The following ARPC1A variants were observed in gnomAD, a reference collection of about 807,000 sequenced individuals.
ARPC1A encodes actin related protein 2/3 complex subunit 1A.
A neutral mutation model predicts 46.9 loss-of-function variants in ARPC1A; 8 were observed. The ratio of observed to expected loss-of-function variants is 0.17; its 90% confidence interval spans 0.10 to 0.31. The LOEUF (loss-of-function observed/expected upper bound fraction) is 0.31, where lower values mean the gene tolerates loss of function less well. ARPC1A is among the 10% of genes least tolerant of loss of function. The pLI is 1.00. For missense variants in ARPC1A, 286 were observed against 483.6 expected, an observed-to-expected ratio of 0.59 and a Z score of 3.83; for synonymous variants, 152 against 169.0, an observed-to-expected ratio of 0.90 and a Z score of 0.78.
chr7:99,359,521 G>A (rs1424028330), intron 7 of ARPC1A, 24 bp from the exon 8 acceptor site: 1 of 1,613,070 alleles, frequency 6.2e-7, no homozygotes, highest in Non-Finnish European at 8.5e-7. Context: ...GCATCCTCCA[G>A]GGACTGACTG....
chr7:99,338,066 TCAAAAG>T, intron 2 of ARPC1A, 109 bp from the exon 3 acceptor site: 2 of 686,682 alleles, frequency 2.9e-6, no homozygotes, highest in Admixed American at 6.9e-5. Context: ...AACTACTTTT[TCAAAAG>T]TTTTTCTTTT....
intron 6 of ARPC1A, among the ~76,000 whole-genome samples, chr7:99,357,374 AT>A (rs1793654470): frequency 6.6e-6 from 1 of 151,978 alleles, no homozygotes; most frequent in Admixed American, 6.6e-5. Context: ...TTATTTTTTA[AT>A]TTAGAGAGAC....
chr7:99,358,703 G>A, intron 7 of ARPC1A: 1 of 311,384 alleles, frequency 3.2e-6, no homozygotes, highest in South Asian at 3.6e-5. Flanking sequence ...ACCATACCTG[G>A]CTAATTTTGT....
chr7:99,341,622 A>G (rs1793358831), intron 3 of ARPC1A, among the ~76,000 whole-genome samples: 1 of 152,082 alleles, frequency 6.6e-6, no homozygotes, highest in Non-Finnish European at 1.5e-5. Flanking sequence ...AAAAAAAAAA[A>G]AAAAAAATTA....
Position 99,327,174 on chromosome 7 carries a change from C to T in ARPC1A, c.-30+1170C>T, listed in dbSNP as rs141341319. On this transcript the variant is annotated intron_variant, in intron 1 of 9. Coordinates refer to ENST00000262942, the MANE Select transcript of ARPC1A (RefSeq NM_006409.4). ...TTTTGTCCTGTTAGGGAGTGGGTAA[C>T]TGTGGTTGTTGTCTTCCTTTTTTTT... is the stretch of plus-strand genomic sequence containing the variant. Among the ~76,000 whole-genome samples the T allele has an allele frequency of 2.3e-3, 348 of 151,636 alleles. 1 individual carries two copies. The highest frequency in any genetic ancestry group is 3.9e-3 in the Non-Finnish European group (262 of 67,902).
chr7:99,352,481 A>AC (rs1793559540), intron 5 of ARPC1A, among the ~76,000 whole-genome samples: 1 of 150,712 alleles, frequency 6.6e-6, no homozygotes, highest in Admixed American at 6.6e-5. Flanking sequence ...ACACAGCAAG[A>AC]CCCCATCTCT....
chr7:99,354,279 T>C (rs1793595557), intron 6 of ARPC1A, among the ~76,000 whole-genome samples, 158 bp downstream of exon 6: 1 of 151,950 alleles, frequency 6.6e-6, no homozygotes, highest in Non-Finnish European at 1.5e-5. Flanking sequence ...TCCCAGCACT[T>C]TGGGAGGCCG....
chr7:99,357,834 C>CT (rs1401632033), intron 6 of ARPC1A, among the ~76,000 whole-genome samples: 1 of 152,196 alleles, frequency 6.6e-6, no homozygotes, highest in Non-Finnish European at 1.5e-5. Flanking sequence ...TTTGGTTCAT[C>CT]TTGGTAGCTC....
At chr7:99,344,616 G>C (rs569542959) in intron 4 of ARPC1A, 101 bp downstream of exon 4, 1 of 1,262,970 alleles carries the variant, frequency 7.9e-7, no homozygotes, top group South Asian at 1.4e-5. Context: ...ATCCGGAGTT[G>C]TGTGGTTTTT....
At chr7:99,357,524 C>T (rs572173443) in intron 6 of ARPC1A, among the ~76,000 whole-genome samples, 19 of 150,954 alleles carry the variant, frequency 1.3e-4, no homozygotes, top group African/African-American at 4.6e-4. Context: ...GAGACTGGGT[C>T]TCACTATGTT....
intron 3 of ARPC1A, among the ~76,000 whole-genome samples, chr7:99,343,358 C>T (rs760899732): frequency 2.7e-5 from 4 of 150,802 alleles, no homozygotes; most frequent in Admixed American, 6.6e-5. Context: ...CCCAGCTACT[C>T]GGGAGGCTGA....
At chr7:99,337,018 A>G (rs1793266518) in intron 2 of ARPC1A, among the ~76,000 whole-genome samples, 1 of 152,162 alleles carries the variant, frequency 6.6e-6, no homozygotes, top group African/African-American at 2.4e-5. Context: ...GGGTAAAAAA[A>G]GATACATGAA....
intron 7 of ARPC1A, among the ~76,000 whole-genome samples, chr7:99,358,938 TCTC>T (rs1317251999): frequency 2.0e-5 from 3 of 151,874 alleles, no homozygotes; most frequent in Non-Finnish European, 4.4e-5. Context: ...TTCACGCCAT[TCTC>T]CTGCCTCAGC....
At chr7:99,365,766 T>TGGGGCAGGGCCAGGTTCAGGGTG in intron 9 of ARPC1A, 125 bp from the exon 10 acceptor site, 1 of 997,500 alleles carries the variant, frequency 1.0e-6, no homozygotes, top group Non-Finnish European at 1.5e-6. Flanking sequence ...CTGTTTCAGG[T>TGGGGCAGGGCCAGGTTCAGGGTG]GGGGCAGGGC....
At chr7:99,344,102 G>A (rs1032079179) in intron 3 of ARPC1A, among the ~76,000 whole-genome samples, 191 bp from the exon 4 acceptor site, 1 of 152,186 alleles carries the variant, frequency 6.6e-6, no homozygotes, top group African/African-American at 2.4e-5. Context: ...CCGAGTCCCA[G>A]ACGCTTTGCA....
chr7:99,333,522 C>T, intron 2 of ARPC1A, 105 bp downstream of exon 2: 1 of 965,924 alleles, frequency 1.0e-6, no homozygotes, highest in East Asian at 2.6e-5. Flanking sequence ...GTGCAAAGAA[C>T]ATACATCTAT....
At chr7:99,361,213 G>C (rs1011502079) in intron 8 of ARPC1A, among the ~76,000 whole-genome samples, 1 of 152,056 alleles carries the variant, frequency 6.6e-6, no homozygotes, top group Non-Finnish European at 1.5e-5. Context: ...TGAAAAATGA[G>C]AACCAGAGAC....
At chr7:99,359,417 CAG>C in intron 7 of ARPC1A, 126 bp from the exon 8 acceptor site, 1 of 930,660 alleles carries the variant, frequency 1.1e-6, no homozygotes, top group Non-Finnish European at 1.6e-6. Flanking sequence ...GCCAGGGCAA[CAG>C]AGCAAGACTC....
rs771655890 is a variant in ARPC1A, at chr7:99,362,336, CTTT to C, written c.984-1192_984-1190del. Among the ~76,000 whole-genome samples, 69 of 129,614 alleles carry C rather than the reference CTTT, an allele frequency of 5.3e-4. 2 individuals carry two copies. In the East Asian group the frequency reaches 5.6e-3, roughly 11 times the overall value. 85.0% of individuals were successfully genotyped at this position (129,614 alleles called of 152,430 possible). On this transcript the variant is annotated intron_variant, in intron 8 of 9. Transcript: ENST00000262942. The stretch of plus-strand genomic sequence containing the variant: ...AATAAAAATGTAAAACCCCGCCCCC[CTTT>C]TTTTTTTTTTTTTTGAGATGGAGTC...
Sources: gnomAD v4.1 joint callset for allele counts (sites outside exome capture counted in the v4.1 genomes callset) on GRCh38, gnomAD v4.1.1 for gene constraint, MANE v1.5 for transcripts, NCBI Gene and HGNC (gene_info 2026-07-23, HGNC 2026-07-21) for gene names.